Variants in CCSER1 observed in about 807,000 individuals in gnomAD.
The protein encoded by CCSER1 is coiled-coil serine rich protein 1.
A neutral mutation model predicts 82.0 loss-of-function variants in CCSER1; 41 were observed. The ratio of observed to expected loss-of-function variants is 0.50; its 90% confidence interval spans 0.39 to 0.65. CCSER1 has a LOEUF of 0.65. CCSER1 is among the 30% of genes least tolerant of loss of function. The pLI, the probability that CCSER1 is intolerant of heterozygous loss-of-function variation, is 0.00. For missense variants in CCSER1, 1,119 were observed against 1,064.2 expected (o/e 1.05, Z -0.72); for synonymous variants, 414 against 383.9 (o/e 1.08, Z -0.92).
intron 10 of CCSER1, among the ~76,000 whole-genome samples, chr4:91,335,556 G>A (rs550199581): frequency 2.0e-5 from 3 of 152,076 alleles, no homozygotes; most frequent in Non-Finnish European, 4.4e-5. Flanking sequence ...TTTTTCTCAC[G>A]GGGAGTGCAG....
intron 10 of CCSER1, among the ~76,000 whole-genome samples, chr4:91,493,135 C>T (rs1324312594): frequency 6.6e-6 from 1 of 150,422 alleles, no homozygotes; most frequent in Non-Finnish European, 1.5e-5. Flanking sequence ...ATATAGAAAG[C>T]CTGAAGGATG....
intron 10 of CCSER1, among the ~76,000 whole-genome samples, chr4:91,115,966 AT>A (rs1294996912): frequency 6.6e-6 from 1 of 150,682 alleles, no homozygotes; most frequent in African/African-American, 2.4e-5. Context: ...TTAACTTGTC[AT>A]TTACATTAGG....
chr4:91,184,615 TCTTTA>T (rs1458440920), intron 10 of CCSER1, among the ~76,000 whole-genome samples: 1 of 152,256 alleles, frequency 6.6e-6, no homozygotes, highest in Non-Finnish European at 1.5e-5. Context: ...CTCCAGTTTC[TCTTTA>T]CTTAGCAGCC....
chr4:90,444,645 C>T (rs958119629), intron 4 of CCSER1, among the ~76,000 whole-genome samples: 2 of 151,988 alleles, frequency 1.3e-5, no homozygotes, highest in Non-Finnish European at 2.9e-5. Flanking sequence ...TTATTAAGGA[C>T]ATTTGCTGAT....
intron 1 of CCSER1, among the ~76,000 whole-genome samples, chr4:90,294,597 G>T (rs988827033): frequency 2.0e-5 from 3 of 152,072 alleles, no homozygotes; most frequent in Middle Eastern, 3.4e-3. Flanking sequence ...TATCTTCCAA[G>T]TTGCTTTTAA....
intron 10 of CCSER1, among the ~76,000 whole-genome samples, chr4:91,333,712 TAC>T (rs1747116219): frequency 6.6e-6 from 1 of 152,022 alleles, no homozygotes; most frequent in Admixed American, 6.6e-5. Context: ...AATTAAAAAA[TAC>T]AGTCTGTATT....
chr4:90,233,087 C>G (rs1216079164), intron 1 of CCSER1, among the ~76,000 whole-genome samples: 1 of 152,016 alleles, frequency 6.6e-6, no homozygotes, highest in Non-Finnish European at 1.5e-5. Flanking sequence ...GGATCTAGAA[C>G]TAGAAATACC....
intron 7 of CCSER1, chr4:90,781,927 G>T: frequency 3.2e-6 from 3 of 927,762 alleles, no homozygotes; most frequent in Non-Finnish European, 3.9e-6. Flanking sequence ...GTATTGAAGA[G>T]ACTGTTGAAT....
intron 1 of CCSER1, among the ~76,000 whole-genome samples, chr4:90,179,761 T>C (rs1463538503): frequency 3.3e-5 from 5 of 151,744 alleles, no homozygotes; most frequent in African/African-American, 9.7e-5. Flanking sequence ...GATGCTTTTA[T>C]TAGAAAGTAT....
At chr4:90,797,808 CT>C in intron 7 of CCSER1, among the ~76,000 whole-genome samples, 1 of 152,172 alleles carries the variant, frequency 6.6e-6, no homozygotes, top group African/African-American at 2.4e-5. Context: ...CCGCCAATGT[CT>C]TTTGGCTCAT....
intron 3 of CCSER1, among the ~76,000 whole-genome samples, chr4:90,396,335 A>G (rs561977671): frequency 6.6e-6 from 1 of 152,146 alleles, no homozygotes; most frequent in African/African-American, 2.4e-5. Flanking sequence ...ACATGTGACC[A>G]TTGGTGCTAA....
At chr4:91,326,457 T>C (rs1023510139) in intron 10 of CCSER1, among the ~76,000 whole-genome samples, 1 of 152,176 alleles carries the variant, frequency 6.6e-6, no homozygotes, top group Non-Finnish European at 1.5e-5. Flanking sequence ...GGGGGAAATC[T>C]GCCTTCATGA....
chr4:91,561,294 T>G (rs1762640925), intron 10 of CCSER1, among the ~76,000 whole-genome samples: 1 of 151,478 alleles, frequency 6.6e-6, no homozygotes, highest in Non-Finnish European at 1.5e-5. Flanking sequence ...TTTATACAGT[T>G]TTCATTCACT....
intron 4 of CCSER1, among the ~76,000 whole-genome samples, chr4:90,460,188 G>T (rs371070164): frequency 0.013 from 1,937 of 147,922 alleles, 108 homozygotes; most frequent in African/African-American, 0.048. Flanking sequence ...AGCCGGGCAT[G>T]GTGGCGCGTG....
At chr4:90,165,231 A>G (rs1730240199) in intron 1 of CCSER1, among the ~76,000 whole-genome samples, 1 of 152,102 alleles carries the variant, frequency 6.6e-6, no homozygotes, top group African/African-American at 2.4e-5. Context: ...TATGCCTGTC[A>G]TTGGAAGTAA....
At chr4:90,550,939 A>T (rs997551441) in intron 5 of CCSER1, among the ~76,000 whole-genome samples, 2 of 152,114 alleles carry the variant, frequency 1.3e-5, no homozygotes, top group African/African-American at 4.8e-5. Context: ...TGCTACCGTC[A>T]TTCTGAATAC....
At chr4:90,392,139 T>G (rs1751277016) in intron 3 of CCSER1, among the ~76,000 whole-genome samples, 1 of 152,004 alleles carries the variant, frequency 6.6e-6, no homozygotes. Flanking sequence ...AAAGCATGAA[T>G]TTTTAAACTA....
intron 5 of CCSER1, among the ~76,000 whole-genome samples, chr4:90,527,333 CAT>C (rs1181121861): frequency 7.9e-5 from 12 of 152,072 alleles, no homozygotes; most frequent in South Asian, 2.1e-4. Context: ...GGCCAACAAA[CAT>C]GTGAGAAAAA....
intron 9 of CCSER1, among the ~76,000 whole-genome samples, chr4:90,930,258 C>T (rs937255216): frequency 1.3e-5 from 2 of 152,020 alleles, no homozygotes; most frequent in Non-Finnish European, 2.9e-5. Context: ...TTTTCCTAGA[C>T]TGCCTTAGGA....
Sources: gnomAD v4.1 joint callset for allele counts (sites outside exome capture counted in the v4.1 genomes callset) on GRCh38, gnomAD v4.1.1 for gene constraint, MANE v1.5 for transcripts, NCBI Gene and HGNC (gene_info 2026-07-23, HGNC 2026-07-21) for gene names.